STAB2: variants seen among roughly 807,000 people sequenced by gnomAD.
STAB2 encodes stabilin 2, also known as stabilin-2.
STAB2 carries 288 observed loss-of-function variants against 338.1 expected under a neutral mutation model. The ratio of observed to expected loss-of-function variants is 0.85; its 90% CI spans 0.77 to 0.94. STAB2 has a LOEUF of 0.94. Among genes scored for constraint, STAB2 ranks in the 40% least tolerant of loss-of-function variants. The probability of loss-of-function intolerance (pLI) is 0.00; values close to 1 mark genes in which losing one functional copy is unlikely to be tolerated. For synonymous variants in STAB2, 1,202 were observed against 1,193.3 expected, an observed-to-expected ratio of 1.01 and a Z score of -0.15; for missense variants, 3,141 against 3,210.1, an observed-to-expected ratio of 0.98 and a Z score of 0.52.
intron 19 of STAB2, among the ~76,000 whole-genome samples, chr12:103,667,716 A>G (rs1276763765): frequency 6.6e-6 from 1 of 152,208 alleles, no homozygotes; most frequent in Non-Finnish European, 1.5e-5. Flanking sequence ...CTAATATTTT[A>G]GGATTTTATA....
intron 9 of STAB2, among the ~76,000 whole-genome samples, chr12:103,644,566 TAAATA>T (rs1873199381): frequency 1.2e-5 from 1 of 85,628 alleles, no homozygotes; most frequent in African/African-American, 4.6e-5. Flanking sequence ...AATAAATAAA[TAAATA>T]AAAATAAAAT....
intron 42 of STAB2, among the ~76,000 whole-genome samples, chr12:103,714,120 A>G (rs560280317): frequency 6.6e-6 from 1 of 152,306 alleles, no homozygotes; most frequent in South Asian, 2.1e-4. Flanking sequence ...TGCTCTTATT[A>G]TTGTCATTAC....
intron 13 of STAB2, 134 bp from the exon 14 acceptor site, chr12:103,655,117 C>T: frequency 3.6e-6 from 3 of 823,604 alleles, no homozygotes; most frequent in Admixed American, 2.4e-5. Flanking sequence ...TAATGCATTG[C>T]AGTTGACCAG....
Position 103,674,096 on chromosome 12 carries a change from G to A in STAB2, c.2552+9G>A. ...AGCAATGGGACAGCCAGGTAGGTCT[G>A]TGAGGGAATGGCCCTTAATGACGCT... On this transcript the variant is annotated intron_variant, in intron 23 of 68. Transcript: ENST00000388887. The A allele has an allele frequency of 6.2e-7, 1 of 1,604,064 alleles. No homozygotes were observed.
At position 103,729,026 on chromosome 12, in the gene STAB2, C is replaced by T. The variant is rs185489428; in HGVS notation, c.5082+31C>T. ...TGCCAGTTATCCTTAGGTCCTCTCTCCCCTAGATCATGTCCTTTGCAGGAA... is the reference window on the plus strand; with the variant it reads ...TGCCAGTTATCCTTAGGTCCTCTCTTCCCTAGATCATGTCCTTTGCAGGAA... On this transcript the variant is annotated intron_variant, in intron 48 of 68. Transcript: ENST00000388887. 129 of 1,610,284 alleles carry T rather than the reference C, an allele frequency of 8.0e-5. No homozygotes were observed. The African/African-American group carries it at 1.3e-3, about 16-fold the overall frequency.
At chr12:103,693,770 T>C (rs1878159280) in intron 31 of STAB2, among the ~76,000 whole-genome samples, 1 of 152,280 alleles carries the variant, frequency 6.6e-6, no homozygotes, top group Middle Eastern at 3.4e-3. Flanking sequence ...TCATTTAAAA[T>C]GAAAGTTGCA....
intron 66 of STAB2, 59 bp downstream of exon 66, chr12:103,761,469 C>A: frequency 1.4e-6 from 2 of 1,451,774 alleles, no homozygotes; most frequent in Non-Finnish European, 1.9e-6. Flanking sequence ...CACTCACCAA[C>A]AGGCAAACCA....
At chr12:103,715,408 A>G (rs956153148) in intron 42 of STAB2, among the ~76,000 whole-genome samples, 1 of 152,188 alleles carries the variant, frequency 6.6e-6, no homozygotes, top group African/African-American at 2.4e-5. Flanking sequence ...TCCTTAGTTT[A>G]GCATCTTTTG....
At chr12:103,592,398 C>T (rs1956813059) in intron 2 of STAB2, among the ~76,000 whole-genome samples, 1 of 152,100 alleles carries the variant, frequency 6.6e-6, no homozygotes, top group African/African-American at 2.4e-5. Context: ...CACACAAGCA[C>T]ACACACACAT....
chr12:103,610,586 T>G (rs1468561939), intron 3 of STAB2, among the ~76,000 whole-genome samples: 1 of 152,190 alleles, frequency 6.6e-6, no homozygotes, highest in Non-Finnish European at 1.5e-5. Context: ...CTTTTCTTCT[T>G]TATTAATCTT....
At chr12:103,602,978 G>T (rs867097531) in intron 3 of STAB2, among the ~76,000 whole-genome samples, 15 of 152,202 alleles carry the variant, frequency 9.9e-5, no homozygotes, top group African/African-American at 3.6e-4. Flanking sequence ...ATATCACAAA[G>T]ATTTTTTTCT....
intron 36 of STAB2, chr12:103,704,871 C>T: frequency 3.0e-6 from 1 of 331,982 alleles, no homozygotes; most frequent in Non-Finnish European, 5.5e-6. Context: ...CTACGTCTTT[C>T]ATATCCTAGT....
chr12:103,763,753 G>A, intron 68 of STAB2, 145 bp downstream of exon 68: 3 of 751,644 alleles, frequency 4.0e-6, no homozygotes. Context: ...AGCCAGTTTT[G>A]CAAGCTGACT....
At chr12:103,612,762 C>G (rs1416191201) in intron 3 of STAB2, among the ~76,000 whole-genome samples, 30 of 152,146 alleles carry the variant, frequency 2.0e-4, no homozygotes, top group Admixed American at 2.0e-3. Flanking sequence ...GAGAGGTGCT[C>G]TGATTTTTAG....
intron 4 of STAB2, among the ~76,000 whole-genome samples, chr12:103,621,549 A>C (rs1340404569): frequency 6.6e-6 from 1 of 152,174 alleles, no homozygotes; most frequent in Non-Finnish European, 1.5e-5. Context: ...CCTGGCCAAC[A>C]TGGTGAAACC....
chr12:103,666,146 T>G, intron 18 of STAB2, 145 bp from the exon 19 acceptor site: 2 of 703,990 alleles, frequency 2.8e-6, no homozygotes, highest in Non-Finnish European at 4.9e-6. Context: ...GGAGTCGGTG[T>G]GGGGAGGGGG....
rs371144831 is a variant in STAB2, at chr12:103,648,827, C to T, written c.1174+4C>T. On this transcript the variant is annotated splice_donor_region_variant and intron_variant, in intron 10 of 68. Coordinates refer to ENST00000388887, the MANE Select transcript of STAB2 (RefSeq NM_017564.10). ...ACCTCTTTCATCTCACTCCTAGGTA[C>T]GCAGCTATGGGTACAGATTTCCACA... 1.4e-5 allele frequency: 23 copies of T among 1,613,026 alleles called. No homozygotes were observed. Among genetic ancestry groups the T allele is most frequent in the Middle Eastern group, 1.6e-4 (1 of 6,084 alleles).
At chr12:103,712,990 C>A (rs755971432) in intron 41 of STAB2, among the ~76,000 whole-genome samples, 7 of 152,166 alleles carry the variant, frequency 4.6e-5, no homozygotes, top group Non-Finnish European at 1.0e-4. Context: ...TGTTCAATGG[C>A]AGAATAATGC....
chr12:103,591,052 T>C (rs768641176), intron 2 of STAB2, 22 bp downstream of exon 2: 6 of 1,612,090 alleles, frequency 3.7e-6, no homozygotes, highest in East Asian at 2.2e-5. Flanking sequence ...AAAATAAACG[T>C]GATGGAACTA....
Sources: allele counts gnomAD v4.1 joint callset (sites outside exome capture counted in the v4.1 genomes callset), GRCh38; gene constraint gnomAD v4.1.1; transcripts MANE v1.5; gene names NCBI Gene and HGNC (gene_info 2026-07-23, HGNC 2026-07-21).